FRK: variants seen among roughly 807,000 people sequenced by gnomAD.
The protein encoded by FRK is tyrosine-protein kinase FRK.
A neutral mutation model predicts 56.4 loss-of-function variants in FRK; 51 were observed. The ratio of observed to expected loss-of-function variants is 0.90; its 90% CI spans 0.72 to 1.14. The LOEUF (loss-of-function observed/expected upper bound fraction) is 1.14. Among genes scored for constraint, FRK ranks in the 50% most tolerant of loss-of-function variants. The pLI is 0.00. For synonymous variants in FRK, 245 were observed against 217.9 expected (o/e 1.12, Z -1.10); for missense variants, 570 against 601.4 (o/e 0.95, Z 0.55).
chr6:116,066,029 C>T, the FRK span, among the ~76,000 whole-genome samples: 8 of 152,098 alleles, frequency 5.3e-5, no homozygotes, highest in African/African-American at 1.7e-4. Flanking sequence ...CACTCTTGTT[C>T]GATTGCAATT....
chr6:115,994,431 T>A (rs994564721), intron 2 of FRK, among the ~76,000 whole-genome samples: 3 of 149,804 alleles, frequency 2.0e-5, no homozygotes, highest in Non-Finnish European at 4.4e-5. Context: ...TTTGGATGAG[T>A]CTACACTTTC....
Position 116,031,470 on chromosome 6 carries a change from A to G in FRK, c.345-27472T>C, listed in dbSNP as rs115315635. Among the ~76,000 whole-genome samples, 1,111 of 152,288 alleles carry G rather than the reference A, an allele frequency of 7.3e-3. 16 individuals carry two copies. The highest frequency in any genetic ancestry group is 0.025 in the African/African-American group (1,049 of 41,574). The stretch of plus-strand genomic sequence containing the variant: ...AAATCACATCTAGCTCTAATGGTTG[A>G]GAAGAGATGTAATGCAGGAAGTTAG... On this transcript the variant is annotated intron_variant, in intron 1 of 7. Coordinates refer to ENST00000606080, the MANE Select transcript of FRK (RefSeq NM_002031.3).
the FRK span, among the ~76,000 whole-genome samples, chr6:116,090,805 T>C: frequency 6.6e-6 from 1 of 152,214 alleles, no homozygotes; most frequent in African/African-American, 2.4e-5. Flanking sequence ...CAAAGAGACA[T>C]TAAGTTTAAC....
Position 116,003,938 on chromosome 6 carries a change from G to C in FRK, c.405C>G (p.Asn135Lys), listed in dbSNP as rs1389248540. Residue 135 changes from asparagine to lysine, a missense_variant, in exon 2 of 8, where the codon AAC becomes AAG. By Grantham distance (94) the Asn-to-Lys change is moderately conservative. Transcript: ENST00000606080. ...CTCTGATTAGAAAGGAACCGGTCTTGTTTTCTGAATATAATAGTTGTTTCT... is the reference window on the plus strand; with the variant it reads ...CTCTGATTAGAAAGGAACCGGTCTTCTTTTCTGAATATAATAGTTGTTTCT... ...DAEKQLLYSE[N>K]KTGSFLIRES... The C allele has an allele frequency of 6.2e-7, 1 of 1,613,096 alleles. No individual in the cohort carries two copies. Among genetic ancestry groups the C allele is most frequent in the African/African-American group, 1.3e-5 (1 of 75,006 alleles).
At chr6:116,095,895 G>A in the FRK span, among the ~76,000 whole-genome samples, 11 of 152,142 alleles carry the variant, frequency 7.2e-5, no homozygotes, top group East Asian at 3.9e-4. Flanking sequence ...ATGAGATGCC[G>A]CCCAGCATTT....
At chr6:115,947,675 G>A (rs1772523818) in intron 5 of FRK, among the ~76,000 whole-genome samples, 1 of 152,012 alleles carries the variant, frequency 6.6e-6, no homozygotes. Flanking sequence ...TAGCAGAGCA[G>A]TCTGGCCCAT....
the FRK span, among the ~76,000 whole-genome samples, chr6:116,074,728 A>G: frequency 6.6e-6 from 1 of 152,090 alleles, no homozygotes. Flanking sequence ...TCCCAGGTCC[A>G]CTTCTCATCT....
At chr6:115,998,960 A>G (rs1232062037) in intron 2 of FRK, among the ~76,000 whole-genome samples, 1 of 152,190 alleles carries the variant, frequency 6.6e-6, no homozygotes, top group Non-Finnish European at 1.5e-5. Flanking sequence ...TTTTACGTGC[A>G]GAGTTGTCTC....
chr6:116,081,054 C>G, the FRK span, among the ~76,000 whole-genome samples: 1 of 152,170 alleles, frequency 6.6e-6, no homozygotes, highest in African/African-American at 2.4e-5. Flanking sequence ...GCAGACAAGA[C>G]AGCATTGCAG....
chr6:115,968,778 TA>T, intron 2 of FRK, 39 bp from the exon 3 acceptor site: 1 of 1,574,396 alleles, frequency 6.4e-7, no homozygotes, highest in Non-Finnish European at 8.7e-7. Flanking sequence ...AACTTCTTGC[TA>T]AAACCAAGCA....
chr6:115,964,225 A>C, intron 4 of FRK, among the ~76,000 whole-genome samples: 1 of 7,964 alleles, frequency 1.3e-4, no homozygotes, highest in African/African-American at 6.3e-4. Flanking sequence ...TCAATGTACA[A>C]AAATCACAAG....
the FRK span, among the ~76,000 whole-genome samples, chr6:116,089,541 A>C: frequency 9.2e-5 from 14 of 152,244 alleles, no homozygotes; most frequent in Non-Finnish European, 1.6e-4. Flanking sequence ...AGGTGTCAGC[A>C]GGCTTGGTTT....
intron 2 of FRK, among the ~76,000 whole-genome samples, chr6:115,981,294 T>C (rs1003825019): frequency 1.3e-5 from 2 of 152,138 alleles, no homozygotes; most frequent in Admixed American, 1.3e-4. Flanking sequence ...ATGTGAACTA[T>C]CAGAAATTTT....
intron 1 of FRK, among the ~76,000 whole-genome samples, chr6:116,057,171 G>A (rs1582767653): frequency 6.6e-6 from 1 of 152,150 alleles, no homozygotes; most frequent in East Asian, 1.9e-4. Context: ...GCTTTCATTG[G>A]TTTCCCATTG....
At chr6:116,078,206 C>A in the FRK span, among the ~76,000 whole-genome samples, 1 of 152,140 alleles carries the variant, frequency 6.6e-6, no homozygotes, top group African/African-American at 2.4e-5. Flanking sequence ...AACAAAATGA[C>A]TTCTTTACTC....
intron 4 of FRK, among the ~76,000 whole-genome samples, chr6:115,967,340 T>A (rs1301974115): frequency 1.3e-5 from 2 of 152,178 alleles, no homozygotes; most frequent in Non-Finnish European, 2.9e-5. Context: ...CAATCAGCGA[T>A]ATTTTAAGAC....
rs758214793 is a variant in FRK, at chr6:115,968,660, G to C, written c.546C>G (p.Ile182Met). The C allele has an allele frequency of 3.7e-6, 6 of 1,613,768 alleles. No individual in the cohort carries two copies. Among genetic ancestry groups the C allele is most frequent in the South Asian group, 3.3e-5 (3 of 91,070 alleles). The change falls in exon 3 of 8, where the codon ATC becomes ATG. Residue 182 changes from isoleucine to methionine, a missense_variant. Physicochemically the swap from Ile to Met is conservative, Grantham distance 10. Transcript: ENST00000606080. ...EGGFFLTRRR[I>M]FSTLNEFVSH... ...TCACAAATTCGTTCAGTGTTGAAAA[G>C]ATTCTTCTTCGCGTGAGAAAAAATC... is the stretch of plus-strand genomic sequence containing the variant.
chr6:116,091,595 A>T, the FRK span, among the ~76,000 whole-genome samples: 1 of 152,154 alleles, frequency 6.6e-6, no homozygotes, highest in Non-Finnish European at 1.5e-5. Context: ...ATTGCCTATC[A>T]CCAAGCAGTG....
chr6:116,081,630 C>T, the FRK span, among the ~76,000 whole-genome samples: 2 of 151,828 alleles, frequency 1.3e-5, no homozygotes, highest in African/African-American at 4.8e-5. Flanking sequence ...TGCACTCCAA[C>T]CTAGGCAGCA....
Sources: gnomAD v4.1 joint callset for allele counts (sites outside exome capture counted in the v4.1 genomes callset) on GRCh38, gnomAD v4.1.1 for gene constraint, MANE v1.5 for transcripts, NCBI Gene and HGNC (gene_info 2026-07-23, HGNC 2026-07-21) for gene names.